Variants in GMDS observed in about 807,000 individuals in gnomAD.
The protein encoded by GMDS is GDP-mannose 4,6-dehydratase.
GMDS carries 20 observed loss-of-function variants against 49.9 expected under a neutral mutation model. That is an observed-to-expected ratio of 0.40 (90% confidence interval 0.28 to 0.58). The LOEUF is 0.58. Among genes scored for constraint, GMDS ranks in the 20% least tolerant of loss-of-function variants. The pLI, the probability that GMDS is intolerant of heterozygous loss-of-function variation, is 0.42. For synonymous variants in GMDS, 177 were observed against 178.6 expected, an observed-to-expected ratio of 0.99 and a Z score of 0.07; for missense variants, 362 against 481.4, an observed-to-expected ratio of 0.75 and a Z score of 2.32.
At chr6:1,878,884 C>A (rs1291432849) in intron 7 of GMDS, among the ~76,000 whole-genome samples, 1 of 152,124 alleles carries the variant, frequency 6.6e-6, no homozygotes, top group Non-Finnish European at 1.5e-5. Flanking sequence ...AGAGCCCCAG[C>A]CTTTTCTAAA....
At chr6:2,240,360 T>C (rs1350932332) in intron 1 of GMDS, among the ~76,000 whole-genome samples, 3 of 152,220 alleles carry the variant, frequency 2.0e-5, no homozygotes, top group Non-Finnish European at 4.4e-5. Flanking sequence ...CAAAGGCCAC[T>C]ACTATGTGCA....
chr6:1,829,562 T>C (rs1405908534), intron 7 of GMDS, among the ~76,000 whole-genome samples: 1 of 152,032 alleles, frequency 6.6e-6, no homozygotes, highest in African/African-American at 2.4e-5. Flanking sequence ...CCTCAGCCTG[T>C]AAAGTAGCTG....
At chr6:1,744,208 C>T (rs1767397034) in intron 7 of GMDS, among the ~76,000 whole-genome samples, 1 of 152,082 alleles carries the variant, frequency 6.6e-6, no homozygotes, top group African/African-American at 2.4e-5. Context: ...TGGTCTATTA[C>T]AAGATTGTTT....
At chr6:1,866,017 T>C (rs1758426610) in intron 7 of GMDS, among the ~76,000 whole-genome samples, 1 of 152,186 alleles carries the variant, frequency 6.6e-6, no homozygotes, top group African/African-American at 2.4e-5. Context: ...GTGCATAATT[T>C]ACAACTGGAA....
At chr6:2,190,550 G>A (rs1460875385) in intron 1 of GMDS, among the ~76,000 whole-genome samples, 1 of 152,152 alleles carries the variant, frequency 6.6e-6, no homozygotes, top group African/African-American at 2.4e-5. Flanking sequence ...GTGTCCTCTC[G>A]GACAGGACCC....
rs144337612 is a variant in GMDS, at chr6:2,156,190, T to A, written c.103-31459A>T. ...AAAATTATAAATATATTATAGAGCG[T>A]CTTGAAAAGCTGGTTCTCCCATATT... On this transcript the variant is annotated intron_variant, in intron 1 of 10. Transcript: ENST00000380815. Among the ~76,000 whole-genome samples the A allele has an allele frequency of 8.5e-3, 1,300 of 152,242 alleles. 77 individuals are homozygous for A. The highest frequency in any genetic ancestry group is 0.08 in the Admixed American group (1,222 of 15,282).
intron 4 of GMDS, among the ~76,000 whole-genome samples, chr6:2,079,992 A>T (rs1772582964): frequency 6.6e-6 from 1 of 152,088 alleles, no homozygotes; most frequent in Non-Finnish European, 1.5e-5. Context: ...GGCTTCAATT[A>T]TTCTTTTTTA....
At chr6:2,049,918 A>G (rs1320101225) in intron 4 of GMDS, among the ~76,000 whole-genome samples, 1 of 152,244 alleles carries the variant, frequency 6.6e-6, no homozygotes, top group Non-Finnish European at 1.5e-5. Flanking sequence ...TGCCCACAAG[A>G]GAAAGCAGAA....
intron 9 of GMDS, among the ~76,000 whole-genome samples, chr6:1,693,052 T>C (rs1765228612): frequency 6.6e-6 from 1 of 152,246 alleles, no homozygotes; most frequent in South Asian, 2.1e-4. Flanking sequence ...GCGGTACTTT[T>C]GGCTCCTCCT....
rs7750267 is a variant in GMDS at position 2,114,502 on chromosome 6, A to C, written c.345+1269T>G. The stretch of plus-strand genomic sequence containing the variant: ...ATAAGAGACTTTCCAAAATGAAAAA[A>C]CACATGGAGAATCATTTAGAAAAAT... On this transcript the variant is annotated intron_variant, in intron 4 of 10. Transcript: ENST00000380815. Among the ~76,000 whole-genome samples, 886 of 152,336 alleles carry C rather than the reference A, an allele frequency of 5.8e-3. 10 individuals are homozygous for C. The highest frequency in any genetic ancestry group is 0.02 in the African/African-American group (814 of 41,564).
At chr6:2,068,122 A>G in intron 4 of GMDS, among the ~76,000 whole-genome samples, 1 of 150,052 alleles carries the variant, frequency 6.7e-6, no homozygotes, top group East Asian at 2.0e-4. Context: ...TACACAAATC[A>G]ATAAATGTAA....
intron 1 of GMDS, among the ~76,000 whole-genome samples, chr6:2,231,931 A>T (rs2127595783): frequency 6.6e-6 from 1 of 152,342 alleles, no homozygotes; most frequent in Non-Finnish European, 1.5e-5. Flanking sequence ...GAATCTGAAC[A>T]AATGAAATTG....
At chr6:2,047,591 C>T (rs748564169) in intron 4 of GMDS, among the ~76,000 whole-genome samples, 2 of 152,040 alleles carry the variant, frequency 1.3e-5, no homozygotes, top group African/African-American at 4.8e-5. Context: ...TGGGTTCCAG[C>T]GATTCTCCTG....
chr6:1,930,185 A>C lies in GMDS; in HGVS notation c.689T>G (p.Ile230Ser), dbSNP rs758494013. 2 of 1,612,844 alleles carry C rather than the reference A, an allele frequency of 1.2e-6. No individual in the cohort carries two copies. Among genetic ancestry groups the C allele is most frequent in the East Asian group, 4.5e-5 (2 of 44,878 alleles). The change falls in exon 7 of 11, where the codon ATT becomes AGT. Residue 230 changes from isoleucine to serine, a missense_variant. Coordinates refer to ENST00000380815, the MANE Select transcript of GMDS (RefSeq NM_001500.4). Reference sequence around the variant, plus strand: ...GAAACATTCCAGTTGTCCAAGGTAAATCTTAGCTACTGACCGGCTAATTTT... The same window carrying C: ...GAAACATTCCAGTTGTCCAAGGTAACTCTTAGCTACTGACCGGCTAATTTT... ...TRKISRSVAK[I>S]YLGQLECFSL...
At chr6:1,982,024 G>A (rs1765246207) in intron 4 of GMDS, among the ~76,000 whole-genome samples, 1 of 152,038 alleles carries the variant, frequency 6.6e-6, no homozygotes, top group South Asian at 2.1e-4. Flanking sequence ...AAATACTTTG[G>A]CCAGGTGCGG....
At chr6:1,825,667 T>C (rs972683203) in intron 7 of GMDS, among the ~76,000 whole-genome samples, 4 of 152,230 alleles carry the variant, frequency 2.6e-5, no homozygotes, top group Admixed American at 2.6e-4. Context: ...TTATTTGTGT[T>C]TCTAAACATT....
intron 7 of GMDS, among the ~76,000 whole-genome samples, chr6:1,813,391 C>T (rs954412395): frequency 6.6e-6 from 1 of 152,028 alleles, no homozygotes; most frequent in East Asian, 1.9e-4. Flanking sequence ...AGAAACCCAG[C>T]GCTCAATGCC....
At chr6:1,954,409 C>T (rs1196701611) in intron 6 of GMDS, among the ~76,000 whole-genome samples, 1 of 152,232 alleles carries the variant, frequency 6.6e-6, no homozygotes. Flanking sequence ...ATGAAGTCTG[C>T]TGCAATCACT....
chr6:2,175,059 G>C (rs560478515), intron 1 of GMDS, among the ~76,000 whole-genome samples: 13 of 152,264 alleles, frequency 8.5e-5, no homozygotes, highest in African/African-American at 3.1e-4. Context: ...GAAGGGGAAG[G>C]GGGGTGAGGG....
Sources: allele counts gnomAD v4.1 joint callset (sites outside exome capture counted in the v4.1 genomes callset), GRCh38; gene constraint gnomAD v4.1.1; transcripts MANE v1.5; gene names NCBI Gene and HGNC (gene_info 2026-07-23, HGNC 2026-07-21).